Variants in MAN2A1 observed in about 807,000 individuals in gnomAD.
MAN2A1 encodes the protein alpha-mannosidase 2.
MAN2A1 carries 76 observed loss-of-function variants against 142.6 expected under a neutral mutation model. The observed-to-expected ratio is 0.53, with a 90% CI of 0.44 to 0.65. MAN2A1 has a LOEUF of 0.65. Ranked by LOEUF, MAN2A1 falls within the 30% of genes least tolerant of loss-of-function variation. The pLI is 0.00. For missense variants in MAN2A1, 1,311 were observed against 1,365.1 expected, an observed-to-expected ratio of 0.96 and a Z score of 0.62; for synonymous variants, 559 against 473.2, an observed-to-expected ratio of 1.18 and a Z score of -2.35.
At chr5:109,843,453 G>A (rs1755266094) in intron 17 of MAN2A1, among the ~76,000 whole-genome samples, 1 of 152,144 alleles carries the variant, frequency 6.6e-6, no homozygotes, top group African/African-American at 2.4e-5. Context: ...TTTGGGTGGG[G>A]ATACAAAGTC....
chr5:109,863,270 T>C (rs913287314), intron 20 of MAN2A1: 4 of 152,252 alleles, frequency 2.6e-5, no homozygotes, highest in African/African-American at 9.6e-5. Context: ...CCTGAGTCTT[T>C]AGCTACAAAG....
intron 5 of MAN2A1, among the ~76,000 whole-genome samples, chr5:109,758,670 A>T (rs1752756366): frequency 6.7e-6 from 1 of 148,602 alleles, no homozygotes; most frequent in Non-Finnish European, 1.5e-5. Context: ...ACTAAATATT[A>T]TATTTAGTTA....
chr5:109,746,769 C>G (rs532633091), intron 4 of MAN2A1, among the ~76,000 whole-genome samples: 3 of 152,218 alleles, frequency 2.0e-5, no homozygotes, highest in African/African-American at 7.2e-5. Context: ...ACAGTAATTC[C>G]CGTTCCTCTT....
chr5:109,842,425 C>A lies in MAN2A1; in HGVS notation c.2664C>A (p.Ser888Arg). ...IAMKISSDIK[S>R]QNRFYTDLNG... Reference sequence around the variant, plus strand: ...TGAAAATTTCTTCTGATATAAAAAGCCAAAATAGATTTTATACTGACCTAA... The same window carrying A: ...TGAAAATTTCTTCTGATATAAAAAGACAAAATAGATTTTATACTGACCTAA... The change falls in exon 17 of 22, where the codon AGC becomes AGA. Residue 888 changes from serine to arginine, a missense_variant. Ser to Arg is a moderately radical substitution (Grantham distance 110). Transcript: ENST00000261483. 6.3e-7 allele frequency: 1 copy of A among 1,583,804 alleles called. No individual in the cohort carries two copies. The highest frequency in any genetic ancestry group is 8.7e-7 in the Non-Finnish European group (1 of 1,155,144).
intron 4 of MAN2A1, among the ~76,000 whole-genome samples, chr5:109,737,837 G>A (rs766368267): frequency 3.3e-5 from 5 of 152,190 alleles, no homozygotes; most frequent in Non-Finnish European, 5.9e-5. Context: ...AAGTTTGCTT[G>A]TGGAAGGGTG....
At chr5:109,755,573 A>G in intron 5 of MAN2A1, 117 bp downstream of exon 5, 1 of 752,084 alleles carries the variant, frequency 1.3e-6, no homozygotes, top group South Asian at 2.0e-5. Flanking sequence ...TTATTGTTGA[A>G]TAATTTATTC....
chr5:109,825,899 CCTTT>C (rs1754743995), intron 16 of MAN2A1, among the ~76,000 whole-genome samples: 1 of 137,006 alleles, frequency 7.3e-6, no homozygotes, highest in Admixed American at 7.7e-5. Flanking sequence ...TTCTTTCCTT[CCTTT>C]TTTTTTTTTT....
chr5:109,864,010 A>G (rs1245710806), intron 20 of MAN2A1: 1 of 152,226 alleles, frequency 6.6e-6, no homozygotes, highest in African/African-American at 2.4e-5. Flanking sequence ...CATTAAAATC[A>G]AATCAGTGGT....
At chr5:109,724,922 T>C (rs1751701083) in intron 3 of MAN2A1, among the ~76,000 whole-genome samples, 1 of 152,212 alleles carries the variant, frequency 6.6e-6, no homozygotes, top group South Asian at 2.1e-4. Context: ...ATTTTATCTT[T>C]AGTTTCATTT....
At chr5:109,696,696 T>A (rs954227766) in intron 1 of MAN2A1, among the ~76,000 whole-genome samples, 1 of 152,218 alleles carries the variant, frequency 6.6e-6, no homozygotes, top group African/African-American at 2.4e-5. Flanking sequence ...GACACTGCTC[T>A]CAATATCCTC....
At position 109,689,984 on chromosome 5, in the gene MAN2A1, C is replaced by G. The variant is rs1339645086; in HGVS notation, c.-434C>G. 2 of 171,948 alleles carry G rather than the reference C, an allele frequency of 1.2e-5. No homozygotes were observed. The highest frequency in any genetic ancestry group is 4.8e-5 in the African/African-American group (2 of 41,582). The allele number at this position is 171,948 out of a possible 1,614,324, so 10.7% of individuals were successfully genotyped here. ...CGGCCCCGGCCCGGGAGCTGCCGAA[C>G]CCGCGCCTCCCCTGGGTGAGGAGGA... On this transcript the variant is annotated 5_prime_UTR_variant, in exon 1 of 22. Transcript: ENST00000261483.
rs535926789 is a variant in MAN2A1 at position 109,758,398 on chromosome 5, A to AT, written c.835+2950dup. Among the ~76,000 whole-genome samples, 4 of 151,556 alleles carry AT rather than the reference A, an allele frequency of 2.6e-5. No individual in the cohort carries two copies. The South Asian group carries it at 6.2e-4, about 24-fold the overall frequency. On this transcript the variant is annotated intron_variant, in intron 5 of 21. Coordinates refer to ENST00000261483, the MANE Select transcript of MAN2A1 (RefSeq NM_002372.4). ...TTTATCTTTTTATTATTGACTTAGA[A>AT]TTTTTTTTATATATTGTGGTTAAAA... is the stretch of plus-strand genomic sequence containing the variant.
chr5:109,710,843 A>G (rs900123756), intron 1 of MAN2A1, among the ~76,000 whole-genome samples: 1 of 152,132 alleles, frequency 6.6e-6, no homozygotes, highest in African/African-American at 2.4e-5. Flanking sequence ...GGCGCCTGCC[A>G]CCATGTCCAG....
At chr5:109,777,032 G>A (rs1016711648) in intron 8 of MAN2A1, among the ~76,000 whole-genome samples, 5 of 152,046 alleles carry the variant, frequency 3.3e-5, no homozygotes, top group Non-Finnish European at 1.5e-5. Context: ...CCCAGTTTTT[G>A]TCTATCACAA....
At chr5:109,779,009 C>T (rs905261921) in intron 8 of MAN2A1, among the ~76,000 whole-genome samples, 1 of 151,934 alleles carries the variant, frequency 6.6e-6, no homozygotes, top group East Asian at 1.9e-4. Flanking sequence ...AAAGTTGTTG[C>T]CTTTTAATGT....
chr5:109,738,263 T>C (rs10491356), intron 4 of MAN2A1, among the ~76,000 whole-genome samples: 7,283 of 147,994 alleles, frequency 0.049, 196 homozygotes, highest in South Asian at 0.095. Flanking sequence ...CATTCTTGCC[T>C]GATCTTTGTT....
intron 1 of MAN2A1, among the ~76,000 whole-genome samples, chr5:109,696,621 C>T (rs780910622): frequency 1.3e-5 from 2 of 152,158 alleles, no homozygotes; most frequent in South Asian, 2.1e-4. Context: ...GCTGTCTACC[C>T]GATATCTGCC....
intron 1 of MAN2A1, among the ~76,000 whole-genome samples, chr5:109,710,658 C>T (rs983275981): frequency 1.3e-5 from 2 of 152,048 alleles, no homozygotes; most frequent in African/African-American, 4.8e-5. Context: ...GTGCATGCCA[C>T]CACACCCAGC....
chr5:109,693,905 G>A (rs1051197312), intron 1 of MAN2A1, among the ~76,000 whole-genome samples: 1 of 152,244 alleles, frequency 6.6e-6, no homozygotes, highest in Admixed American at 6.5e-5. Context: ...ATGAGAGGTT[G>A]GTCAGAGACT....
Sources: gnomAD v4.1 joint callset for allele counts (sites outside exome capture counted in the v4.1 genomes callset) on GRCh38, gnomAD v4.1.1 for gene constraint, MANE v1.5 for transcripts, NCBI Gene and HGNC (gene_info 2026-07-23, HGNC 2026-07-21) for gene names.